Variants in CLNS1A observed in about 807,000 individuals in gnomAD.
CLNS1A encodes the protein chloride nucleotide-sensitive channel 1A.
A neutral mutation model predicts 29.4 loss-of-function variants in CLNS1A; 16 were observed. The ratio of observed to expected loss-of-function variants is 0.54; its 90% confidence interval spans 0.37 to 0.83. The LOEUF is 0.83. CLNS1A is among the 40% of genes least tolerant of loss of function. CLNS1A has a pLI of 0.00. For synonymous variants in CLNS1A, 96 were observed against 104.8 expected, an observed-to-expected ratio of 0.92 and a Z score of 0.51; for missense variants, 235 against 287.4, an observed-to-expected ratio of 0.82 and a Z score of 1.32.
intron 1 of CLNS1A, 61 bp downstream of exon 1, chr11:77,637,529 C>T: frequency 3.9e-6 from 6 of 1,523,954 alleles, no homozygotes; most frequent in Non-Finnish European, 5.3e-6. Context: ...TTCGCACCGC[C>T]TGCTCCAGCA....
chr11:77,629,417 G>A (rs554706969), intron 2 of CLNS1A, among the ~76,000 whole-genome samples: 60 of 148,356 alleles, frequency 4.0e-4, no homozygotes, highest in African/African-American at 1.4e-3. Context: ...TTTTTTAGAC[G>A]GAGTCTCACT....
At chr11:77,627,198 C>G (rs971885732) in intron 2 of CLNS1A, among the ~76,000 whole-genome samples, 1 of 151,266 alleles carries the variant, frequency 6.6e-6, no homozygotes. Flanking sequence ...CTTTGGGAGG[C>G]TGAGGTGGGT....
At position 77,637,578 on chromosome 11, in the gene CLNS1A, C is replaced by T. The variant is rs753308701; in HGVS notation, c.125+12G>A. 4 of 1,598,202 alleles carry T rather than the reference C, an allele frequency of 2.5e-6. No homozygotes were observed. Among genetic ancestry groups the T allele is most frequent in the East Asian group, 4.5e-5 (2 of 44,074 alleles). On this transcript the variant is annotated intron_variant, in intron 1 of 6. Transcript: ENST00000525428. ...CGCGCAGGAGGCCAGCGCTGGGGAC[C>T]AGGAACCCTACCTCTCAGCGATGTA...
intron 1 of CLNS1A, among the ~76,000 whole-genome samples, chr11:77,634,294 C>G (rs1332527630): frequency 6.6e-6 from 1 of 152,186 alleles, no homozygotes; most frequent in Non-Finnish European, 1.5e-5. Context: ...ATGAACATGA[C>G]TCTCTCCTTC....
At chr11:77,626,598 C>G (rs996059985) in intron 2 of CLNS1A, among the ~76,000 whole-genome samples, 9 of 151,078 alleles carry the variant, frequency 6.0e-5, no homozygotes, top group Non-Finnish European at 8.8e-5. Context: ...AAGATCACAG[C>G]ATCGCACTCC....
At chr11:77,617,367 CAAAAAAAA>C (rs71043593) in intron 6 of CLNS1A, among the ~76,000 whole-genome samples, 1,189 of 65,914 alleles carry the variant, frequency 0.018, 27 homozygotes, top group African/African-American at 0.075. Flanking sequence ...AACTCCATCT[CAAAAAAAA>C]AAAAAAAAAA....
intron 2 of CLNS1A, among the ~76,000 whole-genome samples, chr11:77,626,532 A>T (rs184448430): frequency 0.011 from 1,615 of 151,866 alleles, 31 homozygotes; most frequent in African/African-American, 0.035. Flanking sequence ...CCAGCTACTC[A>T]GGAGGTTGAG....
In CLNS1A at chr11:77,622,513, T is replaced by C; in HGVS notation, c.633A>G (p.Ile211Met). Reference sequence around the variant, plus strand: ...AAGGACACTCACCTTCATAATCTCTTATTGAATCTTCTGTCCTGACCCCAG... The same window carrying C: ...AAGGACACTCACCTTCATAATCTCTCATTGAATCTTCTGTCCTGACCCCAG... ...NMAGVRTEDSIRDYEDGMEVD... is the reference protein window; with the variant it reads ...NMAGVRTEDSMRDYEDGMEVD... Residue 211 changes from isoleucine (I) to methionine (M), a missense_variant, in exon 5 of 7, where the codon ATA becomes ATG. Transcript: ENST00000525428. The C allele has an allele frequency of 6.3e-7, 1 of 1,594,532 alleles. No individual in the cohort carries two copies. Among genetic ancestry groups the C allele is most frequent in the East Asian group, 2.2e-5 (1 of 44,766 alleles).
intron 1 of CLNS1A, among the ~76,000 whole-genome samples, chr11:77,631,234 G>A (rs540319238): frequency 6.6e-5 from 10 of 151,844 alleles, no homozygotes; most frequent in Admixed American, 3.3e-4. Context: ...CTCAGTTACC[G>A]AAAGCATTAC....
intron 1 of CLNS1A, among the ~76,000 whole-genome samples, chr11:77,630,212 CT>C (rs1356829472): frequency 7.2e-5 from 11 of 152,278 alleles, no homozygotes; most frequent in African/African-American, 2.6e-4. Context: ...ACCCTCTTTG[CT>C]TTTGCAAATC....
At chr11:77,637,278 G>GAAAA (rs1959139428) in intron 1 of CLNS1A, among the ~76,000 whole-genome samples, 1 of 51,570 alleles carries the variant, frequency 1.9e-5, no homozygotes, top group Non-Finnish European at 3.7e-5. Context: ...AAGAAAGAAA[G>GAAAA]AAAGAAAAGA....
At chr11:77,626,433 G>GT (rs1959020289) in intron 2 of CLNS1A, among the ~76,000 whole-genome samples, 1 of 152,120 alleles carries the variant, frequency 6.6e-6, no homozygotes, top group South Asian at 2.1e-4. Context: ...GAGGTCAGGA[G>GT]TTTGAGTCCA....
In CLNS1A at chr11:77,619,604, A is replaced by G; in HGVS notation, c.*22+2T>C. On this transcript the variant is annotated splice_donor_variant, in intron 6 of 6. Transcript: ENST00000525428. LOFTEE classifies it low-confidence loss of function (3UTR_SPLICE). ...CGACAAGGGAGAAAATGAACTACTCACCTTAAACTTGCATAAATCATTTTC... is the reference window on the plus strand; with the variant it reads ...CGACAAGGGAGAAAATGAACTACTCGCCTTAAACTTGCATAAATCATTTTC... The G allele has an allele frequency of 6.4e-7, 1 of 1,561,244 alleles. No homozygotes were observed. The highest frequency in any genetic ancestry group is 8.8e-7 in the Non-Finnish European group (1 of 1,131,774).
At chr11:77,633,660 T>C (rs1231331335) in intron 1 of CLNS1A, among the ~76,000 whole-genome samples, 2 of 152,180 alleles carry the variant, frequency 1.3e-5, no homozygotes, top group African/African-American at 4.8e-5. Context: ...ACTTAATTAT[T>C]TGGTTTAAGA....
intron 3 of CLNS1A, chr11:77,625,408 A>G (rs2135767429): frequency 2.2e-6 from 1 of 452,034 alleles, no homozygotes; most frequent in African/African-American, 2.0e-5. Context: ...TAAAACTGCC[A>G]TAACTCCTCT....
chr11:77,619,554 C>A (rs1301804857), intron 6 of CLNS1A, 52 bp downstream of exon 6: 3 of 1,176,610 alleles, frequency 2.5e-6, no homozygotes, highest in Non-Finnish European at 3.8e-6. Context: ...AGAAAGTAAT[C>A]ATTTCATATG....
At position 77,637,725 on chromosome 11, in the gene CLNS1A, T is replaced by A; in HGVS notation, c.-11A>T. On this transcript the variant is annotated 5_prime_UTR_variant, in exon 1 of 7. Coordinates refer to ENST00000525428, the MANE Select transcript of CLNS1A (RefSeq NM_001293.3). ...TTTGAGGAAGCTCATAGCAGCAGAG[T>A]GCGGCAACACAGGCCCTGAGGGAGT... 2 of 1,553,262 alleles carry A rather than the reference T, an allele frequency of 1.3e-6. No individual in the cohort carries two copies. Among genetic ancestry groups the A allele is most frequent in the Non-Finnish European group, 1.7e-6 (2 of 1,148,048 alleles).
At chr11:77,626,943 C>T (rs1270366528) in intron 2 of CLNS1A, among the ~76,000 whole-genome samples, 21 of 149,240 alleles carry the variant, frequency 1.4e-4, no homozygotes, top group Admixed American at 1.4e-3. Flanking sequence ...GATCCGCCCG[C>T]CTCAGCCTCC....
chr11:77,626,496 A>AG (rs1460884301), intron 2 of CLNS1A, among the ~76,000 whole-genome samples: 1 of 151,950 alleles, frequency 6.6e-6, no homozygotes, highest in Non-Finnish European at 1.5e-5. Context: ...AAAATTAGCA[A>AG]GGCGTGGTGG....
Sources: gnomAD v4.1 joint callset for allele counts (sites outside exome capture counted in the v4.1 genomes callset) on GRCh38, gnomAD v4.1.1 for gene constraint, MANE v1.5 for transcripts, NCBI Gene and HGNC (gene_info 2026-07-23, HGNC 2026-07-21) for gene names.